The following KNDC1 variants were observed in gnomAD, a reference collection of about 807,000 sequenced individuals.
KNDC1 encodes kinase non-catalytic C-lobe domain-containing protein 1.
Under a neutral mutation model 172.8 loss-of-function variants are expected in KNDC1, and 106 were observed. The ratio of observed to expected loss-of-function variants is 0.61; its 90% CI spans 0.52 to 0.72. The LOEUF (loss-of-function observed/expected upper bound fraction) is 0.72. Among genes scored for constraint, KNDC1 ranks in the 30% least tolerant of loss-of-function variants. The probability of loss-of-function intolerance (pLI) is 0.00; values close to 1 mark genes in which losing one functional copy is unlikely to be tolerated. For missense variants in KNDC1, 2,325 were observed against 2,394.5 expected, an observed-to-expected ratio of 0.97 and a Z score of 0.61; for synonymous variants, 1,083 against 1,062.2, an observed-to-expected ratio of 1.02 and a Z score of -0.38.
At position 133,198,887 on chromosome 10, in the gene KNDC1, C is replaced by G. The variant is rs766014245; in HGVS notation, c.2379C>G (p.Pro793=). The G allele has an allele frequency of 1.9e-6, 3 of 1,593,776 alleles. No homozygotes were observed. The highest frequency in any genetic ancestry group is 2.3e-5 in the East Asian group (1 of 44,204). ...PAPPTKASAL[P]VEQGPAEPIP... is the part of the protein sequence containing the mutation. ...CGCCCACGAAGGCATCTGCGCTGCCCGTAGAGCAAGGGCCGGCTGAGCCGA... is the reference window on the plus strand; with the variant it reads ...CGCCCACGAAGGCATCTGCGCTGCCGGTAGAGCAAGGGCCGGCTGAGCCGA... The change falls in exon 14 of 30, where the codon CCC becomes CCG. Residue 793 remains proline, a synonymous_variant. Transcript: ENST00000304613.
intron 4 of KNDC1, 106 bp from the exon 5 acceptor site, chr10:133,183,766 G>A (rs1301555286): frequency 2.1e-6 from 2 of 950,068 alleles, no homozygotes; most frequent in Non-Finnish European, 3.2e-6. Context: ...CAGGCTCTGG[G>A]GACTGTCCCC....
At chr10:133,197,238 C>A (rs897766032) in intron 11 of KNDC1, 103 bp downstream of exon 11, 3 of 889,170 alleles carry the variant, frequency 3.4e-6, no homozygotes, top group Admixed American at 2.0e-5. Flanking sequence ...CCCCACACCC[C>A]GGTCTCTGTT....
rs61475751 is a variant in KNDC1, at chr10:133,177,542, T to TGC, written c.361-5802_361-5801insGC. On this transcript the variant is annotated intron_variant, in intron 3 of 29. Transcript: ENST00000304613. ...TGTGTGTGCATGCACATAGTGTGTG[T>TGC]CATGAGCACGTGTGTTGCATGTGTA... 9.9e-5 allele frequency among the ~76,000 whole-genome samples: 15 copies of TGC among 150,846 alleles called. No homozygotes were observed. The East Asian group carries it at 2.3e-3, about 24-fold the overall frequency.
intron 3 of KNDC1, 36 bp downstream of exon 3, chr10:133,168,348 T>C: frequency 1.9e-6 from 3 of 1,579,108 alleles, no homozygotes; most frequent in Non-Finnish European, 2.6e-6. Flanking sequence ...CACACCCCCC[T>C]TTTACCTCTA....
intron 29 of KNDC1, among the ~76,000 whole-genome samples, chr10:133,221,530 T>C (rs986047608): frequency 2.0e-5 from 3 of 151,990 alleles, no homozygotes; most frequent in Non-Finnish European, 4.4e-5. Flanking sequence ...CCGTCTCATC[T>C]CATCGCCTGC....
In KNDC1 at chr10:133,209,773, AG is replaced by A. The variant is rs1367644906; in HGVS notation, c.3795-836del. On this transcript the variant is annotated intron_variant, in intron 20 of 29. Coordinates refer to ENST00000304613, the MANE Select transcript of KNDC1 (RefSeq NM_152643.8). The surrounding 1 kb of genome is among the most constrained non-coding windows in gnomAD (Gnocchi z 4.9). ...GTGGCCACCTGTGTCCTCGGACCCC[AG>A]GTGAGTGGGTGACCAGGCCCCTTGT... Among the ~76,000 whole-genome samples, 1 of 152,012 alleles carries A rather than the reference AG, an allele frequency of 6.6e-6. No individual in the cohort carries two copies. The highest frequency in any genetic ancestry group is 1.5e-5 in the Non-Finnish European group (1 of 67,970).
chr10:133,187,348 G>A (rs1403622755), intron 6 of KNDC1, among the ~76,000 whole-genome samples: 2 of 152,226 alleles, frequency 1.3e-5, no homozygotes, highest in East Asian at 3.9e-4. Flanking sequence ...TCCAGCCGAA[G>A]ACGCTTGGGC....
rs751130666 is a variant in KNDC1 at position 133,189,651 on chromosome 10, C to T, written c.1495C>T (p.Gln499Ter). 6.2e-7 allele frequency: 1 copy of T among 1,613,786 alleles called. No homozygotes were observed. Among genetic ancestry groups the T allele is most frequent in the African/African-American group, 1.3e-5 (1 of 74,942 alleles). ...LVAEDGAVLF[Q>*]PPPANGSYDS... The stretch of plus-strand genomic sequence containing the variant: ...TGCTGAGGACGGGGCTGTGCTCTTC[C>T]AGCCACCCCCTGCCAACGGTGAGTG... Residue 499 changes from glutamine to a stop codon, truncating the protein, a stop_gained, in exon 8 of 30, where the codon CAG becomes TAG. Coordinates refer to ENST00000304613, the MANE Select transcript of KNDC1 (RefSeq NM_152643.8). LOFTEE classifies it high-confidence loss of function.
intron 9 of KNDC1, among the ~76,000 whole-genome samples, chr10:133,190,548 G>C (rs1427986070): frequency 2.0e-5 from 3 of 152,232 alleles, no homozygotes; most frequent in African/African-American, 7.2e-5. Context: ...TTTTCCTTCT[G>C]CCTCACATAT....
chr10:133,224,911 G>C lies in KNDC1; in HGVS notation c.*21G>C, dbSNP rs771509039. On this transcript the variant is annotated 3_prime_UTR_variant, in exon 30 of 30. Transcript: ENST00000304613. This position sits in a 1 kb window ranked among gnomAD's most constrained non-coding sequence, Gnocchi z 5.4. ...AGTAGCCGAGCTCGGGCCTGGTGTG[G>C]AATTCCAGATCCGAATCCGACTGTG... 1 of 1,582,280 alleles carries C rather than the reference G, an allele frequency of 6.3e-7. No homozygotes were observed. The highest frequency in any genetic ancestry group is 1.3e-5 in the African/African-American group (1 of 74,344).
At chr10:133,168,086 C>G (rs762761477) in intron 2 of KNDC1, among the ~76,000 whole-genome samples, 168 bp from the exon 3 acceptor site, 1 of 152,224 alleles carries the variant, frequency 6.6e-6, no homozygotes, top group Non-Finnish European at 1.5e-5. Context: ...CCCATCATAA[C>G]CGTTAAGGAG....
intron 17 of KNDC1, among the ~76,000 whole-genome samples, chr10:133,204,296 C>G (rs1854462509): frequency 6.6e-6 from 1 of 152,238 alleles, no homozygotes; most frequent in Admixed American, 6.5e-5. Flanking sequence ...AGCCAACAGC[C>G]ACGTGTGGCT....
chr10:133,167,189 G>A (rs1318211512), intron 1 of KNDC1, 192 bp from the exon 2 acceptor site: 13 of 614,196 alleles, frequency 2.1e-5, no homozygotes, highest in East Asian at 5.6e-5. Flanking sequence ...CAAATGTTCC[G>A]TGGCTCTGAC....
rs1163045665 is a variant in KNDC1, at chr10:133,199,254, G to T, written c.2746G>T (p.Ala916Ser). Reference protein sequence around the residue: ...FDGYLDNGLEALIMGEYIFAL... With the variant: ...FDGYLDNGLESLIMGEYIFAL... ...TGGCTACCTGGACAATGGGCTGGAGGCTCTGATCATGGGTACGTGGGGGCC... is the reference window on the plus strand; with the variant it reads ...TGGCTACCTGGACAATGGGCTGGAGTCTCTGATCATGGGTACGTGGGGGCC... The change falls in exon 14 of 30, where the codon GCT becomes TCT. Residue 916 changes from alanine (A) to serine (S), a missense_variant. Physicochemically the swap from Ala to Ser is moderately conservative, Grantham distance 99. Coordinates refer to ENST00000304613, the MANE Select transcript of KNDC1 (RefSeq NM_152643.8). The T allele has an allele frequency of 1.9e-6, 3 of 1,560,278 alleles. No individual in the cohort carries two copies. The highest frequency in any genetic ancestry group is 1.9e-5 in the Admixed American group (1 of 52,660).
chr10:133,198,186 G>C (rs1161080922), intron 12 of KNDC1, 151 bp from the exon 13 acceptor site: 1 of 948,362 alleles, frequency 1.1e-6, no homozygotes, highest in African/African-American at 1.7e-5. Context: ...CCCATTCCAG[G>C]GCCCAGCACA....
At chr10:133,160,985 G>C (rs993452558) in intron 1 of KNDC1, among the ~76,000 whole-genome samples, 1 of 152,014 alleles carries the variant, frequency 6.6e-6, no homozygotes, top group Admixed American at 6.5e-5. Context: ...TCAGGAGCGG[G>C]GGGTGGGGGG....
At chr10:133,210,070 G>A (rs1845326021) in intron 20 of KNDC1, among the ~76,000 whole-genome samples, 1 of 152,130 alleles carries the variant, frequency 6.6e-6, no homozygotes. Flanking sequence ...ACAAAGCCCT[G>A]CATAGGGCTG....
At chr10:133,213,450 C>T (rs754351031) in intron 24 of KNDC1, among the ~76,000 whole-genome samples, 195 bp from the exon 25 acceptor site, 5 of 152,202 alleles carry the variant, frequency 3.3e-5, no homozygotes, top group East Asian at 1.9e-4. Context: ...AGGGCTGCCC[C>T]GGACACCATG....
At chr10:133,190,611 C>T (rs1427679883) in intron 9 of KNDC1, among the ~76,000 whole-genome samples, 3 of 152,240 alleles carry the variant, frequency 2.0e-5, no homozygotes, top group Non-Finnish European at 2.9e-5. Flanking sequence ...TGGGCGCACA[C>T]TAAAAGCCGC....
Sources: allele counts gnomAD v4.1 joint callset (sites outside exome capture counted in the v4.1 genomes callset), GRCh38; gene constraint gnomAD v4.1.1; non-coding constraint Gnocchi (gnomAD v3.1); transcripts MANE v1.5; gene names NCBI Gene and HGNC (gene_info 2026-07-23, HGNC 2026-07-21).